The following MELK variants were observed in gnomAD, a reference collection of about 807,000 sequenced individuals.
MELK encodes the protein pEg3 kinase.
In MELK, 81 loss-of-function variants were observed where a neutral mutation model predicts 85.0. The observed-to-expected ratio is 0.95, with a 90% CI of 0.80 to 1.15. The LOEUF (loss-of-function observed/expected upper bound fraction) is 1.15, where lower values mean the gene tolerates loss of function less well. Ranked by LOEUF, MELK falls within the 50% of genes most tolerant of loss-of-function variation. The pLI, the probability that MELK is intolerant of heterozygous loss-of-function variation, is 0.00. For synonymous variants in MELK, 252 were observed against 265.0 expected (o/e 0.95, Z 0.48); for missense variants, 754 against 777.5 (o/e 0.97, Z 0.36).
At chr9:36,664,716 G>C (rs1274266440) in intron 13 of MELK, among the ~76,000 whole-genome samples, 1 of 152,152 alleles carries the variant, frequency 6.6e-6, no homozygotes, top group Non-Finnish European at 1.5e-5. Flanking sequence ...CTTTACATGG[G>C]AGCTTTGGTT....
chr9:36,670,077 C>T (rs1479035097), intron 15 of MELK, among the ~76,000 whole-genome samples: 1 of 152,122 alleles, frequency 6.6e-6, no homozygotes, highest in Non-Finnish European at 1.5e-5. Context: ...TGGAGAACTA[C>T]CTAGAAAGCC....
chr9:36,657,885 C>CT (rs1203172531), intron 13 of MELK, among the ~76,000 whole-genome samples: 6 of 152,078 alleles, frequency 3.9e-5, no homozygotes, highest in African/African-American at 1.4e-4. Flanking sequence ...GCCCGGCCTT[C>CT]TTTTTTGTTT....
chr9:36,603,593 G>A (rs1009115137), intron 7 of MELK, among the ~76,000 whole-genome samples: 2 of 151,828 alleles, frequency 1.3e-5, no homozygotes, highest in African/African-American at 2.4e-5. Context: ...TACCACACCT[G>A]GCTAATTTTT....
intron 9 of MELK, 58 bp from the exon 10 acceptor site, chr9:36,633,044 G>C: frequency 8.4e-7 from 1 of 1,190,094 alleles, no homozygotes; most frequent in Non-Finnish European, 1.2e-6. Context: ...AGGAGGAAAG[G>C]TGTTCTATGT....
chr9:36,608,783 A>G (rs1825809065), intron 8 of MELK, among the ~76,000 whole-genome samples: 1 of 151,948 alleles, frequency 6.6e-6, no homozygotes. Flanking sequence ...GGGTTTCTCC[A>G]TGTTGGTCAG....
chr9:36,606,674 C>CAT (rs200601718), intron 7 of MELK: 5 of 145,956 alleles, frequency 3.4e-5, no homozygotes, highest in East Asian at 2.0e-4. Context: ...TATATATGGA[C>CAT]ATATATATGT....
chr9:36,633,966 G>A (rs1828879204), intron 10 of MELK, among the ~76,000 whole-genome samples: 1 of 152,184 alleles, frequency 6.6e-6, no homozygotes, highest in Non-Finnish European at 1.5e-5. Flanking sequence ...TTCTTAAAGG[G>A]TAATTGCATG....
intron 8 of MELK, among the ~76,000 whole-genome samples, chr9:36,626,001 T>G (rs111580397): frequency 6.6e-6 from 1 of 151,986 alleles, no homozygotes; most frequent in Non-Finnish European, 1.5e-5. Context: ...CCAAAATGAA[T>G]GAAAGACAAA....
chr9:36,605,582 T>A (rs1825398546), intron 7 of MELK, among the ~76,000 whole-genome samples: 1 of 152,014 alleles, frequency 6.6e-6, no homozygotes, highest in Admixed American at 6.6e-5. Flanking sequence ...ATATTTGACA[T>A]CTCGGAGGCG....
At chr9:36,665,325 T>C (rs1832232127) in intron 13 of MELK, 25 bp from the exon 14 acceptor site, 1 of 1,476,422 alleles carries the variant, frequency 6.8e-7, no homozygotes, top group Non-Finnish European at 9.3e-7. Flanking sequence ...TCAGTGTGCT[T>C]TATCTAGTAA....
At chr9:36,650,688 C>T (rs527395266) in intron 11 of MELK, among the ~76,000 whole-genome samples, 199 of 152,258 alleles carry the variant, frequency 1.3e-3, no homozygotes, top group African/African-American at 4.3e-3. Flanking sequence ...GGATGTGTTC[C>T]ACAAAAATGA....
intron 16 of MELK, 126 bp downstream of exon 16, chr9:36,671,292 T>C: frequency 2.6e-6 from 3 of 1,134,562 alleles, no homozygotes; most frequent in Non-Finnish European, 3.5e-6. Context: ...TTAGTTAATA[T>C]ATGTTTTTTG....
intron 10 of MELK, among the ~76,000 whole-genome samples, chr9:36,635,333 G>A (rs1829027187): frequency 6.6e-6 from 1 of 151,208 alleles, no homozygotes; most frequent in Admixed American, 6.6e-5. Flanking sequence ...GCACGATCTT[G>A]GCTGACTACA....
intron 4 of MELK, among the ~76,000 whole-genome samples, chr9:36,593,849 G>A (rs1246968549): frequency 6.6e-6 from 1 of 151,996 alleles, no homozygotes; most frequent in Admixed American, 6.6e-5. Context: ...CCGCCACCAC[G>A]CCTGGCTAAT....
chr9:36,591,569 G>T (rs755065966), intron 4 of MELK, among the ~76,000 whole-genome samples: 1 of 151,940 alleles, frequency 6.6e-6, no homozygotes, highest in Non-Finnish European at 1.5e-5. Flanking sequence ...GCGAGACTCT[G>T]TCTCAAAAAA....
At chr9:36,591,973 T>C (rs1823638358) in intron 4 of MELK, among the ~76,000 whole-genome samples, 1 of 151,964 alleles carries the variant, frequency 6.6e-6, no homozygotes, top group Non-Finnish European at 1.5e-5. Context: ...AAATCCTCTC[T>C]TTCCCCTACA....
At chr9:36,665,199 T>C (rs1390612034) in intron 13 of MELK, 151 bp from the exon 14 acceptor site, 3 of 605,020 alleles carry the variant, frequency 5.0e-6, no homozygotes, top group Non-Finnish European at 8.8e-6. Flanking sequence ...GAAAACTATA[T>C]ATTTTCAAAT....
At chr9:36,648,749 A>G (rs1165204122) in intron 11 of MELK, among the ~76,000 whole-genome samples, 1 of 152,230 alleles carries the variant, frequency 6.6e-6, no homozygotes, top group African/African-American at 2.4e-5. Flanking sequence ...TGGGAGTTCA[A>G]GTTCCTGTCC....
chr9:36,653,147 T>A lies in MELK; in HGVS notation c.1053+1270T>A, dbSNP rs191385105. Reference sequence around the variant, plus strand: ...AGTTTTGTCATGGACTTTAAAAAATTTTTTTGTTTTATTTTTTGAAACAAA... The same window carrying A: ...AGTTTTGTCATGGACTTTAAAAAATATTTTTGTTTTATTTTTTGAAACAAA... On this transcript the variant is annotated intron_variant, in intron 12 of 17. Coordinates refer to ENST00000298048, the MANE Select transcript of MELK (RefSeq NM_014791.4). 8.5e-4 allele frequency among the ~76,000 whole-genome samples: 129 copies of A among 152,270 alleles called. 1 individual carries two copies. The highest frequency in any genetic ancestry group is 3.5e-3 in the Admixed American group (54 of 15,278).
Sources: allele counts gnomAD v4.1 joint callset (sites outside exome capture counted in the v4.1 genomes callset), GRCh38; gene constraint gnomAD v4.1.1; transcripts MANE v1.5; gene names NCBI Gene and HGNC (gene_info 2026-07-23, HGNC 2026-07-21).